The following SHISA9 variants were observed in gnomAD, a reference collection of about 807,000 sequenced individuals.
SHISA9 encodes the protein shisa family member 9.
Under a neutral mutation model 38.0 loss-of-function variants are expected in SHISA9, and 13 were observed. The ratio of observed to expected loss-of-function variants is 0.34; its 90% CI spans 0.22 to 0.54. The LOEUF (loss-of-function observed/expected upper bound fraction) is 0.54. Ranked by LOEUF, SHISA9 falls within the 20% of genes least tolerant of loss-of-function variation. The pLI, the probability that SHISA9 is intolerant of heterozygous loss-of-function variation, is 0.91. For missense variants in SHISA9, 538 were observed against 575.8 expected (o/e 0.93, Z 0.67); for synonymous variants, 275 against 242.0 (o/e 1.14, Z -1.27).
intron 2 of SHISA9, among the ~76,000 whole-genome samples, chr16:13,149,886 C>T (rs1237531232): frequency 1.4e-5 from 2 of 146,482 alleles, no homozygotes; most frequent in Non-Finnish European, 1.5e-5. Context: ...GATCATGCCA[C>T]TGCACTCCAG....
At chr16:12,915,570 G>A (rs2071242926) in intron 1 of SHISA9, among the ~76,000 whole-genome samples, 1 of 152,232 alleles carries the variant, frequency 6.6e-6, no homozygotes, top group Non-Finnish European at 1.5e-5. Context: ...AATGATGGCA[G>A]CTGTTTGTAG....
the SHISA9 span, among the ~76,000 whole-genome samples, chr16:13,456,938 G>T: frequency 4.6e-5 from 7 of 152,232 alleles, no homozygotes; most frequent in Admixed American, 3.9e-4. Context: ...GAACTTTTCC[G>T]GGACTCTGCC....
intron 2 of SHISA9, among the ~76,000 whole-genome samples, chr16:13,155,159 A>C (rs931705360): frequency 5.3e-5 from 8 of 152,242 alleles, no homozygotes; most frequent in African/African-American, 1.9e-4. Context: ...ATGGAAGTAG[A>C]TTAGAACAGA....
At chr16:13,018,697 A>G (rs2072786185) in intron 2 of SHISA9, among the ~76,000 whole-genome samples, 1 of 152,152 alleles carries the variant, frequency 6.6e-6, no homozygotes, top group South Asian at 2.1e-4. Context: ...AAAATCCTTT[A>G]TTGATTCCTA....
intron 2 of SHISA9, among the ~76,000 whole-genome samples, chr16:13,134,789 A>G (rs1197193857): frequency 1.3e-5 from 2 of 152,184 alleles, no homozygotes; most frequent in African/African-American, 2.4e-5. Flanking sequence ...ACACAAGCCT[A>G]TATCTCACAT....
At chr16:13,090,199 G>A (rs1386437945) in intron 2 of SHISA9, among the ~76,000 whole-genome samples, 1 of 152,192 alleles carries the variant, frequency 6.6e-6, no homozygotes, top group Non-Finnish European at 1.5e-5. Flanking sequence ...TTTTACAGTT[G>A]CTAAGGAGTG....
At chr16:12,991,783 C>A (rs979760431) in intron 2 of SHISA9, among the ~76,000 whole-genome samples, 1 of 151,994 alleles carries the variant, frequency 6.6e-6, no homozygotes, top group African/African-American at 2.4e-5. Flanking sequence ...AAAGCATCCA[C>A]CTTGTAGCAC....
chr16:13,073,108 G>A (rs1193600827), intron 2 of SHISA9, among the ~76,000 whole-genome samples: 2 of 152,122 alleles, frequency 1.3e-5, no homozygotes, highest in Non-Finnish European at 2.9e-5. Flanking sequence ...CCATTTTATA[G>A]AGAAGGAAAC....
At chr16:13,163,125 G>A (rs1387078398) in intron 2 of SHISA9, among the ~76,000 whole-genome samples, 1 of 152,150 alleles carries the variant, frequency 6.6e-6, no homozygotes. Flanking sequence ...GCTTACCTGA[G>A]TCTCAGTTTC....
the SHISA9 span, among the ~76,000 whole-genome samples, chr16:13,370,101 C>T: frequency 6.6e-6 from 1 of 152,198 alleles, no homozygotes; most frequent in African/African-American, 2.4e-5. Context: ...AGTTCACTAG[C>T]TGATTCCAAA....
chr16:13,177,448 G>C (rs900613266), intron 2 of SHISA9, among the ~76,000 whole-genome samples: 6 of 151,902 alleles, frequency 3.9e-5, no homozygotes, highest in African/African-American at 1.4e-4. Context: ...ATACAAAAAT[G>C]GGTGGGGGAA....
chr16:13,181,558 G>C (rs1305074093), intron 2 of SHISA9, among the ~76,000 whole-genome samples: 3 of 151,884 alleles, frequency 2.0e-5, no homozygotes, highest in African/African-American at 7.3e-5. Flanking sequence ...GTCATACATG[G>C]TATGGGTTTT....
the SHISA9 span, among the ~76,000 whole-genome samples, chr16:13,435,515 A>G: frequency 6.6e-6 from 1 of 152,266 alleles, no homozygotes; most frequent in Non-Finnish European, 1.5e-5. Flanking sequence ...ATTCTTTGGA[A>G]TATGACTGGA....
At chr16:13,443,590 T>A in the SHISA9 span, among the ~76,000 whole-genome samples, 1 of 152,202 alleles carries the variant, frequency 6.6e-6, no homozygotes, top group African/African-American at 2.4e-5. Flanking sequence ...ACCCCTCTGA[T>A]CAATTTTATG....
chr16:13,417,712 G>A, the SHISA9 span, among the ~76,000 whole-genome samples: 1 of 152,228 alleles, frequency 6.6e-6, no homozygotes, highest in Non-Finnish European at 1.5e-5. Flanking sequence ...GATATCGTCT[G>A]CAAAGACAGC....
the SHISA9 span, among the ~76,000 whole-genome samples, chr16:13,391,559 T>G: frequency 6.6e-6 from 1 of 152,100 alleles, no homozygotes; most frequent in African/African-American, 2.4e-5. Flanking sequence ...GATGGCTGGG[T>G]TCGGGGGGAG....
chr16:13,020,784 T>C (rs576704795), intron 2 of SHISA9, among the ~76,000 whole-genome samples: 1 of 152,336 alleles, frequency 6.6e-6, no homozygotes, highest in East Asian at 1.9e-4. Context: ...CTCTGGTATT[T>C]TGGAAGGATA....
intron 2 of SHISA9, among the ~76,000 whole-genome samples, chr16:13,144,157 C>CT (rs755627867): frequency 0.022 from 2,860 of 127,780 alleles, 34 homozygotes; most frequent in African/African-American, 0.039. Flanking sequence ...GGGGCTAGTT[C>CT]TTTTTTTTTT....
chr16:13,311,689 A>G, the SHISA9 span, among the ~76,000 whole-genome samples: 1 of 152,212 alleles, frequency 6.6e-6, no homozygotes, highest in African/African-American at 2.4e-5. Context: ...TTTCAAATAA[A>G]TGGAGATTGT....
Sources: gnomAD v4.1 joint callset for allele counts (sites outside exome capture counted in the v4.1 genomes callset) on GRCh38, gnomAD v4.1.1 for gene constraint, MANE v1.5 for transcripts, NCBI Gene and HGNC (gene_info 2026-07-23, HGNC 2026-07-21) for gene names.